C12orf42: variants seen among roughly 807,000 people sequenced by gnomAD.
C12orf42 encodes chromosome 12 open reading frame 42.
C12orf42 carries 25 observed loss-of-function variants against 21.6 expected under a neutral mutation model. The observed-to-expected ratio is 1.16, with a 90% confidence interval of 0.84 to 1.62. The LOEUF (loss-of-function observed/expected upper bound fraction) is 1.62. Among genes scored for constraint, C12orf42 ranks in the 40% most tolerant of loss-of-function variants. The pLI, the probability that C12orf42 is intolerant of heterozygous loss-of-function variation, is 0.00. For synonymous variants in C12orf42, 174 were observed against 175.0 expected (o/e 0.99, Z 0.05); for missense variants, 483 against 459.3 (o/e 1.05, Z -0.47).
chr12:103,183,204 C>T, the C12orf42 span, among the ~76,000 whole-genome samples: 1 of 152,228 alleles, frequency 6.6e-6, no homozygotes, highest in Non-Finnish European at 1.5e-5. Context: ...GCCTCAGCCT[C>T]CTGAGTAGCT....
chr12:103,276,194 T>C (rs143951747), intron 5 of C12orf42, among the ~76,000 whole-genome samples: 58 of 152,306 alleles, frequency 3.8e-4, no homozygotes, highest in African/African-American at 1.3e-3. Context: ...GTAATATGTT[T>C]AAAAAGTTAA....
At position 103,306,026 on chromosome 12, in the gene C12orf42, A is replaced by C; in HGVS notation, c.579T>G (p.Ser193Arg). 1 of 1,613,958 alleles carries C rather than the reference A, an allele frequency of 6.2e-7. No homozygotes were observed. Among genetic ancestry groups the C allele is most frequent in the Non-Finnish European group, 8.5e-7 (1 of 1,179,834 alleles). The stretch of plus-strand genomic sequence containing the variant: ...GCTGGCCCTTAGGTCTTGTGTGTCT[A>C]CTGATGTGTATGCCCTGAGCCTCCA... Reference protein sequence around the residue: ...VHLEAQGIHISRHTRPKGQPL... With the variant: ...VHLEAQGIHIRRHTRPKGQPL... Residue 193 changes from serine (S) to arginine (R), a missense_variant, in exon 5 of 6, where the codon AGT becomes AGG. By Grantham distance (110) the Ser-to-Arg change is moderately radical. Coordinates refer to ENST00000548883, the MANE Select transcript of C12orf42 (RefSeq NM_198521.5).
intron 2 of C12orf42, among the ~76,000 whole-genome samples, chr12:103,456,937 C>A (rs985606836): frequency 2.6e-5 from 4 of 152,116 alleles, no homozygotes; most frequent in African/African-American, 9.7e-5. Flanking sequence ...ATAATATAAT[C>A]TGCTTTGAAA....
At chr12:103,185,592 C>T in the C12orf42 span, among the ~76,000 whole-genome samples, 1 of 152,000 alleles carries the variant, frequency 6.6e-6, no homozygotes, top group East Asian at 1.9e-4. Flanking sequence ...ACTCTATGTT[C>T]CCACCCAGAT....
chr12:103,108,848 C>T, the C12orf42 span, among the ~76,000 whole-genome samples: 1 of 152,034 alleles, frequency 6.6e-6, no homozygotes, highest in Non-Finnish European at 1.5e-5. Flanking sequence ...AGAACTTTTC[C>T]AGAATATATA....
At chr12:103,170,703 A>G in the C12orf42 span, among the ~76,000 whole-genome samples, 6 of 152,194 alleles carry the variant, frequency 3.9e-5, no homozygotes, top group Admixed American at 3.3e-4. Context: ...TCTCTTCTCC[A>G]ACCCCTTTTC....
chr12:103,089,101 C>CAAAAA, the C12orf42 span, among the ~76,000 whole-genome samples: 3,966 of 54,726 alleles, frequency 0.072, 382 homozygotes, highest in Non-Finnish European at 0.09. Context: ...GACTCCATCT[C>CAAAAA]AAAAAAAAAA....
the C12orf42 span, among the ~76,000 whole-genome samples, chr12:103,193,079 A>G: frequency 1.3e-5 from 2 of 152,224 alleles, no homozygotes; most frequent in African/African-American, 4.8e-5. Context: ...CTAAATATGA[A>G]TAAAAAATGA....
At chr12:103,399,565 C>A (rs2047819843) in intron 3 of C12orf42, among the ~76,000 whole-genome samples, 1 of 151,710 alleles carries the variant, frequency 6.6e-6, no homozygotes, top group Non-Finnish European at 1.5e-5. Context: ...AAAGCAGCAC[C>A]CTCCTCCTAC....
chr12:103,125,780 A>C, the C12orf42 span, among the ~76,000 whole-genome samples: 1 of 152,210 alleles, frequency 6.6e-6, no homozygotes, highest in African/African-American at 2.4e-5. Flanking sequence ...TACATGATAC[A>C]GAAATAAAGG....
At chr12:103,271,971 G>A (rs1462482377) in intron 5 of C12orf42, among the ~76,000 whole-genome samples, 1 of 152,058 alleles carries the variant, frequency 6.6e-6, no homozygotes, top group Non-Finnish European at 1.5e-5. Flanking sequence ...CTGTAATTGT[G>A]GACCCATCAT....
At chr12:103,454,822 C>G (rs1217779419) in intron 2 of C12orf42, among the ~76,000 whole-genome samples, 2 of 152,142 alleles carry the variant, frequency 1.3e-5, no homozygotes, top group Non-Finnish European at 1.5e-5. Context: ...TTTGTGTTCA[C>G]AGCATGTCAC....
intron 2 of C12orf42, among the ~76,000 whole-genome samples, chr12:103,446,184 G>A (rs1951562829): frequency 6.6e-6 from 1 of 151,958 alleles, no homozygotes; most frequent in Non-Finnish European, 1.5e-5. Context: ...AACCCTACGA[G>A]CTAGAAGGGA....
chr12:103,396,557 C>T (rs2047551973), intron 3 of C12orf42: 1 of 152,142 alleles, frequency 6.6e-6, no homozygotes, highest in Admixed American at 6.5e-5. Context: ...GAGATATGGG[C>T]ACTAAATTTT....
intron 4 of C12orf42, among the ~76,000 whole-genome samples, chr12:103,351,045 C>A (rs530426186): frequency 6.6e-6 from 1 of 152,150 alleles, no homozygotes; most frequent in South Asian, 2.1e-4. Context: ...TCTGTAATTG[C>A]GTTGTTTGTA....
chr12:103,110,518 T>C, the C12orf42 span, among the ~76,000 whole-genome samples: 2 of 152,226 alleles, frequency 1.3e-5, no homozygotes, highest in Non-Finnish European at 1.5e-5. Context: ...GAAGCAACTA[T>C]GGCAAAGTAT....
chr12:103,191,075 A>T, the C12orf42 span, among the ~76,000 whole-genome samples: 55,806 of 152,044 alleles, frequency 0.37, 10,948 homozygotes, highest in South Asian at 0.45. Flanking sequence ...TCAGTAGAAA[A>T]CTTGCAGGAC....
chr12:103,378,839 A>C (rs1201523588), intron 3 of C12orf42: 2 of 152,242 alleles, frequency 1.3e-5, no homozygotes, highest in African/African-American at 4.8e-5. Flanking sequence ...TGAATGTTTA[A>C]GTGAAAAAGC....
chr12:103,557,715 C>A, the C12orf42 span: 1 of 152,142 alleles, frequency 6.6e-6, no homozygotes, highest in African/African-American at 2.4e-5. Context: ...CACTTCCCAT[C>A]CTGTCTCCCC....
Sources: allele counts gnomAD v4.1 joint callset (sites outside exome capture counted in the v4.1 genomes callset), GRCh38; gene constraint gnomAD v4.1.1; transcripts MANE v1.5; gene names NCBI Gene and HGNC (gene_info 2026-07-23, HGNC 2026-07-21).